Variants in DTHD1 observed in about 807,000 individuals in gnomAD.
DTHD1 encodes death domain containing 1, also known as death domain-containing protein 1.
A neutral mutation model predicts 74.8 loss-of-function variants in DTHD1; 59 were observed. The observed-to-expected ratio is 0.79, with a 90% CI of 0.64 to 0.98. The LOEUF is 0.98. Among genes scored for constraint, DTHD1 ranks in the 50% least tolerant of loss-of-function variants. The pLI, the probability that DTHD1 is intolerant of heterozygous loss-of-function variation, is 0.00. For missense variants in DTHD1, 1,051 were observed against 1,065.4 expected (o/e 0.99, Z 0.19); for synonymous variants, 365 against 371.1 (o/e 0.98, Z 0.19).
rs78012813 is a variant in DTHD1 at position 36,322,899 on chromosome 4, G to A, written c.2340+6413G>A. Reference sequence around the variant, plus strand: ...AAAACTCTCAAAGGTTTTTTAGATGGAAGGGAGTGGAGAGAATATTTTGTG... The same window carrying A: ...AAAACTCTCAAAGGTTTTTTAGATGAAAGGGAGTGGAGAGAATATTTTGTG... On this transcript the variant is annotated intron_variant, in intron 8 of 9. Coordinates refer to ENST00000639862, the MANE Select transcript of DTHD1 (RefSeq NM_001170700.3). Among the ~76,000 whole-genome samples, 517 of 152,342 alleles carry A rather than the reference G, an allele frequency of 3.4e-3. 3 individuals are homozygous for A. Among genetic ancestry groups the A allele is most frequent in the African/African-American group, 0.011 (465 of 41,572 alleles).
chr4:36,295,497 T>C (rs1412552066), intron 5 of DTHD1, among the ~76,000 whole-genome samples: 4 of 151,978 alleles, frequency 2.6e-5, no homozygotes, highest in Non-Finnish European at 5.9e-5. Context: ...TGGATGAGCA[T>C]TCATTCAAGG....
chr4:36,339,240 A>C, intron 9 of DTHD1, 71 bp downstream of exon 9: 1 of 1,071,754 alleles, frequency 9.3e-7, no homozygotes. Context: ...TATGTGAATC[A>C]TTTCATAAAA....
At position 36,295,540 on chromosome 4, in the gene DTHD1, T is replaced by C. The variant is rs543451090; in HGVS notation, c.1643+501T>C. On this transcript the variant is annotated intron_variant, in intron 5 of 9. Transcript: ENST00000639862. ...AAAAACCAAAATCCTACATGGTGTT[T>C]TAAGAAAAACAAATCAATACCAAGA... Among the ~76,000 whole-genome samples, 222 of 151,772 alleles carry C rather than the reference T, an allele frequency of 1.5e-3. 1 individual carries two copies. The highest frequency in any genetic ancestry group is 5.1e-3 in the African/African-American group (212 of 41,412).
intron 2 of DTHD1, among the ~76,000 whole-genome samples, chr4:36,286,118 A>G (rs1223256064): frequency 6.6e-6 from 1 of 152,190 alleles, no homozygotes. Flanking sequence ...AGTCTGATGA[A>G]TTCTATGGTT....
chr4:36,314,069 G>GTTTTT (rs375245524), intron 7 of DTHD1, among the ~76,000 whole-genome samples: 5 of 138,988 alleles, frequency 3.6e-5, no homozygotes, highest in Non-Finnish European at 4.7e-5. Context: ...CTAGGAATCT[G>GTTTTT]TTTTTTTTTT....
chr4:36,294,825 C>A lies in DTHD1; in HGVS notation c.1429C>A (p.His477Asn), dbSNP rs1214400915. Residue 477 changes from histidine (H) to asparagine (N), a missense_variant, in exon 5 of 10, where the codon CAT becomes AAT. His to Asn is a moderately conservative substitution (Grantham distance 68). Coordinates refer to ENST00000639862, the MANE Select transcript of DTHD1 (RefSeq NM_001170700.3). ...IQPVDPALVA[H>N]LKAQQDTFYS... ...ACCAGTTGACCCAGCTCTGGTGGCA[C>A]ATTTAAAAGCACAGCAAGATACTTT... 6.5e-7 allele frequency: 1 copy of A among 1,549,008 alleles called. No homozygotes were observed. The highest frequency in any genetic ancestry group is 2.4e-5 in the East Asian group (1 of 40,872).
chr4:36,323,436 T>C (rs571556259), intron 8 of DTHD1, among the ~76,000 whole-genome samples: 3 of 152,192 alleles, frequency 2.0e-5, no homozygotes, highest in Admixed American at 2.0e-4. Context: ...TTTGACTAGA[T>C]AAATGAGATG....
chr4:36,300,237 A>C (rs1371307579), intron 5 of DTHD1, among the ~76,000 whole-genome samples: 3 of 152,100 alleles, frequency 2.0e-5, no homozygotes, highest in Non-Finnish European at 4.4e-5. Flanking sequence ...TGCTTTCCTC[A>C]AGGTGGCATT....
intron 8 of DTHD1, among the ~76,000 whole-genome samples, chr4:36,335,396 T>C (rs989974587): frequency 6.6e-6 from 1 of 152,080 alleles, no homozygotes; most frequent in Non-Finnish European, 1.5e-5. Context: ...GCTATTTTTT[T>C]GTATTTTTTT....
intron 8 of DTHD1, among the ~76,000 whole-genome samples, chr4:36,320,571 T>C (rs549074053): frequency 6.6e-6 from 1 of 152,340 alleles, no homozygotes; most frequent in African/African-American, 2.4e-5. Flanking sequence ...GTATAGGGCT[T>C]TCCAGATTCA....
At chr4:36,334,785 A>T (rs79329354) in intron 8 of DTHD1, among the ~76,000 whole-genome samples, 45 of 152,356 alleles carry the variant, frequency 3.0e-4, no homozygotes, top group African/African-American at 1.1e-3. Context: ...GAAATGGTGG[A>T]AGTAATCTTC....
intron 8 of DTHD1, 82 bp downstream of exon 8, chr4:36,316,568 GAC>G: frequency 7.5e-7 from 1 of 1,341,120 alleles, no homozygotes; most frequent in Non-Finnish European, 1.0e-6. Context: ...CAGTCATAGA[GAC>G]ACATACAGTT....
chr4:36,298,265 T>C (rs548496640), intron 5 of DTHD1, among the ~76,000 whole-genome samples: 16 of 152,138 alleles, frequency 1.1e-4, no homozygotes, highest in Non-Finnish European at 2.1e-4. Context: ...AGCAATAATA[T>C]ATATTCTTTT....
intron 6 of DTHD1, 96 bp downstream of exon 6, chr4:36,306,448 C>A (rs1757058163): frequency 9.4e-6 from 12 of 1,272,792 alleles, no homozygotes; most frequent in Non-Finnish European, 1.3e-5. Flanking sequence ...AATTTTTATT[C>A]TTCGAATAGA....
At chr4:36,293,782 A>C in intron 4 of DTHD1, 77 bp downstream of exon 4, 1 of 1,234,148 alleles carries the variant, frequency 8.1e-7, no homozygotes, top group Non-Finnish European at 1.1e-6. Flanking sequence ...ACAACAAAGA[A>C]GGTATCAATA....
intron 2 of DTHD1, among the ~76,000 whole-genome samples, chr4:36,289,602 G>A (rs1223096523): frequency 6.6e-6 from 1 of 152,032 alleles, no homozygotes; most frequent in East Asian, 1.9e-4. Flanking sequence ...AGAATAGTGT[G>A]TAACCTAAAA....
chr4:36,331,043 A>G (rs560240660), intron 8 of DTHD1, among the ~76,000 whole-genome samples: 83 of 152,098 alleles, frequency 5.5e-4, no homozygotes, highest in Non-Finnish European at 9.7e-4. Flanking sequence ...TATTATTATT[A>G]TTTATCCTAG....
In DTHD1 at chr4:36,289,937, A is replaced by G. The variant is rs866221305; in HGVS notation, c.888-436A>G. 8.7e-5 allele frequency among the ~76,000 whole-genome samples: 13 copies of G among 149,992 alleles called. No homozygotes were observed. The Middle Eastern group carries it at 0.017, about 196-fold the overall frequency. ...TGTGTTTAGACAATTCTAATACTTC[A>G]TATATGTTTACTCCCTCTCCTCACA... is the stretch of plus-strand genomic sequence containing the variant. On this transcript the variant is annotated intron_variant, in intron 2 of 9. Transcript: ENST00000639862.
intron 7 of DTHD1, among the ~76,000 whole-genome samples, chr4:36,314,278 G>A (rs1757568796): frequency 6.6e-6 from 1 of 152,032 alleles, no homozygotes; most frequent in Non-Finnish European, 1.5e-5. Context: ...TGAAGTCTTT[G>A]TTCACTGGGC....
Sources: gnomAD v4.1 joint callset for allele counts (sites outside exome capture counted in the v4.1 genomes callset) on GRCh38, gnomAD v4.1.1 for gene constraint, MANE v1.5 for transcripts, NCBI Gene and HGNC (gene_info 2026-07-23, HGNC 2026-07-21) for gene names.